SIRT5: variants seen among roughly 807,000 people sequenced by gnomAD.
SIRT5 encodes sirtuin 5, also known as NAD-dependent protein deacylase sirtuin-5, mitochondrial.
SIRT5 carries 26 observed loss-of-function variants against 40.0 expected under a neutral mutation model. That is an observed-to-expected ratio of 0.65 (90% CI 0.48 to 0.90). The LOEUF is 0.90. SIRT5 is among the 40% of genes least tolerant of loss of function. The pLI, the probability that SIRT5 is intolerant of heterozygous loss-of-function variation, is 0.00. For missense variants in SIRT5, 401 were observed against 402.4 expected (o/e 1.00, Z 0.03); for synonymous variants, 146 against 149.1 (o/e 0.98, Z 0.15).
chr6:13,575,259 G>A (rs895518139), intron 1 of SIRT5, among the ~76,000 whole-genome samples: 8 of 152,112 alleles, frequency 5.3e-5, no homozygotes, highest in Non-Finnish European at 1.0e-4. Context: ...GGGCTGGAGG[G>A]GTAGGAGGAA....
intron 7 of SIRT5, among the ~76,000 whole-genome samples, chr6:13,598,088 G>T (rs1761836859): frequency 6.6e-6 from 1 of 152,168 alleles, no homozygotes; most frequent in Non-Finnish European, 1.5e-5. Context: ...TGCTTTACTG[G>T]CTTATTTAAC....
At chr6:13,588,077 GATCACAC>G (rs1760314614) in intron 3 of SIRT5, among the ~76,000 whole-genome samples, 1 of 152,242 alleles carries the variant, frequency 6.6e-6, no homozygotes, top group Non-Finnish European at 1.5e-5. Context: ...ACTTATGTAA[GATCACAC>G]ATTTGTGTGG....
chr6:13,580,419 G>T (rs746114648), intron 2 of SIRT5, among the ~76,000 whole-genome samples: 7 of 152,076 alleles, frequency 4.6e-5, no homozygotes, highest in African/African-American at 1.4e-4. Context: ...GTAATTTTAC[G>T]TTGCTCTAAA....
At chr6:13,610,753 G>A (rs1459885254) in intron 9 of SIRT5, among the ~76,000 whole-genome samples, 2 of 152,204 alleles carry the variant, frequency 1.3e-5, no homozygotes, top group African/African-American at 2.4e-5. Context: ...TGCTCAGCAC[G>A]TGGCAGGGGG....
At chr6:13,585,512 G>A (rs1243545558) in intron 3 of SIRT5, among the ~76,000 whole-genome samples, 3 of 151,948 alleles carry the variant, frequency 2.0e-5, no homozygotes, top group Non-Finnish European at 4.4e-5. Context: ...CTGTCCTTGC[G>A]ATAGTTTTCT....
At position 13,602,075 on chromosome 6, in the gene SIRT5, A is replaced by T. The variant is rs78921474; in HGVS notation, c.857+1126A>T. Reference sequence around the variant, plus strand: ...TATACTCTGAAAACTACAGAACATTATTGAAAGAAATAAGGAAGGCCTAAA... The same window carrying T: ...TATACTCTGAAAACTACAGAACATTTTTGAAAGAAATAAGGAAGGCCTAAA... On this transcript the variant is annotated intron_variant, in intron 9 of 9. Transcript: ENST00000606117. Among the ~76,000 whole-genome samples, 38 of 152,280 alleles carry T rather than the reference A, an allele frequency of 2.5e-4. No homozygotes were observed. In the East Asian group the frequency reaches 4.8e-3, roughly 19 times the overall value.
intron 9 of SIRT5, among the ~76,000 whole-genome samples, chr6:13,609,814 C>T (rs1384340064): frequency 5.9e-5 from 9 of 152,292 alleles, no homozygotes; most frequent in Middle Eastern, 3.4e-3. Context: ...TGGCTTTACC[C>T]GTGTCTTTTA....
chr6:13,605,238 T>C (rs199670481), intron 9 of SIRT5: 11 of 916,446 alleles, frequency 1.2e-5, no homozygotes, highest in Non-Finnish European at 1.3e-5. Flanking sequence ...TAAGGTTTCA[T>C]TGGAACACAG....
chr6:13,610,924 T>C (rs1198867672), intron 9 of SIRT5, among the ~76,000 whole-genome samples: 4 of 152,148 alleles, frequency 2.6e-5, no homozygotes, highest in Non-Finnish European at 5.9e-5. Flanking sequence ...TATTTTTAAT[T>C]GTGCTCAACT....
chr6:13,604,797 T>C (rs200875588), intron 9 of SIRT5: 17 of 1,124,968 alleles, frequency 1.5e-5, no homozygotes, highest in Non-Finnish European at 1.8e-5. Flanking sequence ...CTGTTTCAGC[T>C]GCTACTTCAG....
chr6:13,590,947 TGTGTTTA>T (rs771853992), intron 4 of SIRT5, among the ~76,000 whole-genome samples: 18 of 148,108 alleles, frequency 1.2e-4, no homozygotes, highest in South Asian at 6.7e-4. Flanking sequence ...TGTAGTTGTG[TGTGTTTA>T]GTTTGTGTGT....
chr6:13,587,875 G>C (rs1348205543), intron 3 of SIRT5, among the ~76,000 whole-genome samples: 1 of 152,196 alleles, frequency 6.6e-6, no homozygotes, highest in Non-Finnish European at 1.5e-5. Flanking sequence ...GGGGAGGAAG[G>C]GTAGGCTTTG....
At chr6:13,578,784 G>A (rs1430131733) in intron 1 of SIRT5, among the ~76,000 whole-genome samples, 1 of 151,704 alleles carries the variant, frequency 6.6e-6, no homozygotes, top group Non-Finnish European at 1.5e-5. Flanking sequence ...TTGGTAGGGT[G>A]CCCCCCTTTT....
chr6:13,597,765 C>T lies in SIRT5; in HGVS notation c.617+749C>T, dbSNP rs147026380. ...TTCGCCATGTTGGCCAGGCTGGTCT[C>T]GAGCTCTTGACCTCAGATGATCCAC... On this transcript the variant is annotated intron_variant, in intron 7 of 9. Transcript: ENST00000606117. Among the ~76,000 whole-genome samples, 1,236 of 152,198 alleles carry T rather than the reference C, an allele frequency of 8.1e-3. 10 individuals are homozygous for T. The highest frequency in any genetic ancestry group is 0.014 in the Non-Finnish European group (950 of 68,002).
At chr6:13,588,508 A>G (rs1424835398) in intron 4 of SIRT5, 44 bp downstream of exon 4, 2 of 1,589,342 alleles carry the variant, frequency 1.3e-6, no homozygotes, top group Non-Finnish European at 1.7e-6. Flanking sequence ...GTCGAATGAA[A>G]CCATAACAGA....
chr6:13,611,813 G>A lies in SIRT5; in HGVS notation c.881G>A (p.Gly294Glu). The change falls in exon 10 of 10, where the codon GGA (glycine) becomes GAA (glutamate). Residue 294 changes from glycine to glutamate, a missense_variant. Transcript: ENST00000606117. The part of the protein sequence containing the change: ...RFRFHFQGPC[G>E]TTLPEALACH... ...AGGTTTCATTTCCAGGGACCCTGTGGAACGACTCTTCCTGAAGCCCTTGCC... is the reference window on the plus strand; with the variant it reads ...AGGTTTCATTTCCAGGGACCCTGTGAAACGACTCTTCCTGAAGCCCTTGCC... 1 of 1,613,922 alleles carries A rather than the reference G, an allele frequency of 6.2e-7. No homozygotes were observed. The highest frequency in any genetic ancestry group is 8.5e-7 in the Non-Finnish European group (1 of 1,179,848).
chr6:13,598,825 CA>C (rs368964409), intron 7 of SIRT5, among the ~76,000 whole-genome samples: 400 of 47,098 alleles, frequency 8.5e-3, no homozygotes, highest in African/African-American at 0.025. Flanking sequence ...GACTCCGTCT[CA>C]AAAAAAAAAA....
intron 9 of SIRT5, among the ~76,000 whole-genome samples, chr6:13,604,268 C>T (rs971864660): frequency 4.6e-5 from 7 of 152,176 alleles, no homozygotes; most frequent in African/African-American, 1.4e-4. Flanking sequence ...CACATTGAGC[C>T]TCCGTCTGAT....
chr6:13,609,262 G>A (rs964823535), intron 9 of SIRT5, among the ~76,000 whole-genome samples: 7 of 152,172 alleles, frequency 4.6e-5, no homozygotes, highest in Non-Finnish European at 2.9e-5. Context: ...TAAACAAACC[G>A]GTATTCTGTC....
Sources: gnomAD v4.1 joint callset for allele counts (sites outside exome capture counted in the v4.1 genomes callset) on GRCh38, gnomAD v4.1.1 for gene constraint, MANE v1.5 for transcripts, NCBI Gene and HGNC (gene_info 2026-07-23, HGNC 2026-07-21) for gene names.